Variants in CHL1 observed in about 807,000 individuals in gnomAD.
CHL1 encodes the protein neural cell adhesion molecule L1-like protein.
CHL1 carries 96 observed loss-of-function variants against 141.9 expected under a neutral mutation model. The observed-to-expected ratio is 0.68, with a 90% CI of 0.57 to 0.80. CHL1 has a LOEUF of 0.80. Among genes scored for constraint, CHL1 ranks in the 30% least tolerant of loss-of-function variants. The pLI is 0.00. For missense variants in CHL1, 1,820 were observed against 1,457.2 expected (o/e 1.25, Z -4.05); for synonymous variants, 613 against 502.2 (o/e 1.22, Z -2.95).
intron 19 of CHL1, among the ~76,000 whole-genome samples, chr3:385,449 C>G (rs1055112623): frequency 3.3e-5 from 5 of 152,172 alleles, no homozygotes; most frequent in African/African-American, 1.2e-4. Flanking sequence ...GACTGCTCCT[C>G]TCACTCATAA....
chr3:277,342 G>A (rs1179456433), intron 2 of CHL1, among the ~76,000 whole-genome samples: 1 of 152,064 alleles, frequency 6.6e-6, no homozygotes, highest in Non-Finnish European at 1.5e-5. Context: ...ATTTAAAAAA[G>A]CAAAATAAAG....
At chr3:336,911 G>C (rs1236595354) in intron 5 of CHL1, among the ~76,000 whole-genome samples, 1 of 152,154 alleles carries the variant, frequency 6.6e-6, no homozygotes, top group Non-Finnish European at 1.5e-5. Context: ...TGTCTGTAGG[G>C]AAGTGTTTCC....
intron 1 of CHL1, among the ~76,000 whole-genome samples, chr3:210,877 G>A (rs911506087): frequency 1.3e-5 from 2 of 152,182 alleles, no homozygotes; most frequent in African/African-American, 4.8e-5. Flanking sequence ...AGTGAACTTT[G>A]GCAAGGCTGA....
At chr3:404,866 A>G (rs536754294) in intron 27 of CHL1, among the ~76,000 whole-genome samples, 1 of 152,284 alleles carries the variant, frequency 6.6e-6, no homozygotes, top group South Asian at 2.1e-4. Flanking sequence ...GTGGCTTATA[A>G]AAGAACAGAA....
chr3:369,123 T>C (rs1705286368), intron 15 of CHL1, among the ~76,000 whole-genome samples: 1 of 152,216 alleles, frequency 6.6e-6, no homozygotes, highest in Non-Finnish European at 1.5e-5. Flanking sequence ...TTTTTTCTAA[T>C]TCTGTGTAGA....
intron 5 of CHL1, among the ~76,000 whole-genome samples, chr3:332,044 C>T (rs760294602): frequency 3.3e-5 from 5 of 152,220 alleles, no homozygotes; most frequent in Non-Finnish European, 5.9e-5. Flanking sequence ...TGAAGATGCT[C>T]TTACTTATGA....
intron 1 of CHL1, among the ~76,000 whole-genome samples, chr3:244,366 T>C (rs956252245): frequency 3.3e-5 from 5 of 152,172 alleles, no homozygotes; most frequent in African/African-American, 1.2e-4. Context: ...ATGAGAAGTG[T>C]AATTACGTGG....
chr3:319,884 C>T lies in CHL1; in HGVS notation c.91+17C>T. ...CATCTTCAGGTAAAGTTAAAACATT[C>T]AGTGCCTATTAATGGAATTTCATAT... is the stretch of plus-strand genomic sequence containing the variant. On this transcript the variant is annotated intron_variant, in intron 3 of 27. Transcript: ENST00000256509. The T allele has an allele frequency of 7.3e-7, 1 of 1,378,202 alleles. No homozygotes were observed. 85.4% of individuals were successfully genotyped at this position (1,378,202 alleles called of 1,614,324 possible). A position where few individuals can be genotyped will look rare whatever the true frequency, so the allele number is the denominator to read the frequency against.
chr3:344,759 G>C (rs1575121935), intron 9 of CHL1, 50 bp downstream of exon 9: 7 of 1,577,136 alleles, frequency 4.4e-6, no homozygotes, highest in Non-Finnish European at 6.1e-6. Context: ...GTTCTGTAAA[G>C]AATAAGACAT....
chr3:286,628 A>AAG (rs67776957), intron 2 of CHL1, among the ~76,000 whole-genome samples: 1 of 149,186 alleles, frequency 6.7e-6, no homozygotes, highest in East Asian at 1.9e-4. Context: ...AAAAAAAAAA[A>AAG]TTAAACAAAG....
intron 1 of CHL1, among the ~76,000 whole-genome samples, chr3:231,106 T>C (rs895189698): frequency 6.6e-6 from 1 of 152,218 alleles, no homozygotes; most frequent in Non-Finnish European, 1.5e-5. Context: ...GTGAATTTTA[T>C]ATGTTACTTT....
chr3:346,352 A>G (rs929357483), intron 9 of CHL1, among the ~76,000 whole-genome samples: 3 of 152,210 alleles, frequency 2.0e-5, no homozygotes, highest in Non-Finnish European at 4.4e-5. Context: ...TTGAGTTTGA[A>G]TCATGATGGC....
chr3:385,442 T>C (rs1264602321), intron 19 of CHL1, among the ~76,000 whole-genome samples: 1 of 152,200 alleles, frequency 6.6e-6, no homozygotes, highest in Non-Finnish European at 1.5e-5. Flanking sequence ...TCTTTTTGAC[T>C]GCTCCTCTCA....
At position 366,029 on chromosome 3, in the gene CHL1, A is replaced by G; in HGVS notation, c.1665A>G (p.Lys555=). Residue 555 remains lysine (K), a synonymous_variant, in exon 15 of 28, where the codon AAA becomes AAG. Transcript: ENST00000256509. ...TGCTTGAATTACATTGTGAAAGCAA[A>G]TGTGACTCACATTTGAAACACAGTT... ...LHMLELHCES[K]CDSHLKHSLK... is the part of the protein sequence containing the mutation. 5.0e-6 allele frequency: 8 copies of G among 1,613,800 alleles called. No homozygotes were observed. Among genetic ancestry groups the G allele is most frequent in the Non-Finnish European group, 6.8e-6 (8 of 1,179,698 alleles).
intron 10 of CHL1, 28 bp from the exon 11 acceptor site, chr3:354,608 CATCT>C: frequency 1.9e-6 from 3 of 1,577,684 alleles, no homozygotes; most frequent in Non-Finnish European, 2.6e-6. Flanking sequence ...ACATAGATAA[CATCT>C]CTCATGAGCT....
At chr3:210,238 C>G (rs1699793527) in intron 1 of CHL1, among the ~76,000 whole-genome samples, 1 of 152,216 alleles carries the variant, frequency 6.6e-6, no homozygotes. Context: ...TTCCACTTAC[C>G]TATCACTGAA....
At chr3:353,682 T>A (rs1013077648) in intron 10 of CHL1, among the ~76,000 whole-genome samples, 2 of 152,202 alleles carry the variant, frequency 1.3e-5, no homozygotes, top group Admixed American at 6.5e-5. Context: ...CTTAGAAAAA[T>A]TTTAATGATA....
At chr3:277,151 T>C (rs996309120) in intron 2 of CHL1, among the ~76,000 whole-genome samples, 3 of 152,158 alleles carry the variant, frequency 2.0e-5, no homozygotes, top group African/African-American at 7.2e-5. Flanking sequence ...TACATGAGTA[T>C]TCATTCTAAA....
rs763868940 is a variant in CHL1 at position 360,400 on chromosome 3, G to A, written c.1282G>A (p.Ala428Thr). 85 of 1,613,456 alleles carry A rather than the reference G, an allele frequency of 5.3e-5. No homozygotes were observed. The highest frequency in any genetic ancestry group is 6.6e-5 in the Non-Finnish European group (78 of 1,179,770). ...EASNVHGTIL[A>T]NANIDVVDVR... ...CTCAAATGTCCATGGAACTATCCTTGCCAATGCCAATATTGATGTTGTGGG... is the reference window on the plus strand; with the variant it reads ...CTCAAATGTCCATGGAACTATCCTTACCAATGCCAATATTGATGTTGTGGG... Residue 428 changes from alanine (A) to threonine (T), a missense_variant, in exon 12 of 28, where the codon GCC (alanine) becomes ACC (threonine). Ala to Thr is a moderately conservative substitution (Grantham distance 58, BLOSUM62 0). Coordinates refer to ENST00000256509, the MANE Select transcript of CHL1 (RefSeq NM_006614.4).
Sources: allele counts gnomAD v4.1 joint callset (sites outside exome capture counted in the v4.1 genomes callset), GRCh38; gene constraint gnomAD v4.1.1; transcripts MANE v1.5; gene names NCBI Gene and HGNC (gene_info 2026-07-23, HGNC 2026-07-21).